TCF25: variants seen among roughly 807,000 people sequenced by gnomAD.
TCF25 encodes ribosome quality control complex subunit TCF25.
A neutral mutation model predicts 83.1 loss-of-function variants in TCF25; 41 were observed. The observed-to-expected ratio is 0.49, with a 90% confidence interval of 0.38 to 0.64. TCF25 has a LOEUF of 0.64. Ranked by LOEUF, TCF25 falls within the 30% of genes least tolerant of loss-of-function variation. The pLI is 0.00. For synonymous variants in TCF25, 458 were observed against 365.0 expected, an observed-to-expected ratio of 1.25 and a Z score of -2.90; for missense variants, 979 against 914.5, an observed-to-expected ratio of 1.07 and a Z score of -0.91.
At chr16:89,900,840 A>G in intron 12 of TCF25, 46 bp downstream of exon 12, 1 of 1,482,876 alleles carries the variant, frequency 6.7e-7, no homozygotes, top group African/African-American at 1.4e-5. Flanking sequence ...GTGTCCTGTC[A>G]GCCGTGGGGG....
chr16:89,909,857 A>C (rs1056538240), intron 16 of TCF25: 1 of 152,452 alleles, frequency 6.6e-6, no homozygotes, highest in Non-Finnish European at 1.5e-5. Flanking sequence ...ACATTGAGAG[A>C]ACAAAAGCCC....
At chr16:89,896,395 A>C (rs1369315887) in intron 9 of TCF25, among the ~76,000 whole-genome samples, 1 of 152,018 alleles carries the variant, frequency 6.6e-6, no homozygotes, top group African/African-American at 2.4e-5. Flanking sequence ...AAATAAAAAT[A>C]AAAATAAATG....
At chr16:89,910,688 TG>T in intron 17 of TCF25, 25 bp downstream of exon 17, 1 of 1,611,726 alleles carries the variant, frequency 6.2e-7, no homozygotes. Flanking sequence ...TCCCAGCCCC[TG>T]CCTCCCCAGT....
intron 12 of TCF25, among the ~76,000 whole-genome samples, chr16:89,903,073 C>G (rs546983404): frequency 6.6e-6 from 1 of 152,366 alleles, no homozygotes; most frequent in African/African-American, 2.4e-5. Context: ...CTGCATGCAG[C>G]TGGCCATATG....
At chr16:89,894,037 CT>C in intron 7 of TCF25, 179 bp downstream of exon 7, 1 of 889,978 alleles carries the variant, frequency 1.1e-6, no homozygotes, top group South Asian at 1.8e-5. Context: ...TGTTCGGAGG[CT>C]CTAGGCCAAG....
At chr16:89,879,359 C>T (rs995870827) in intron 1 of TCF25, among the ~76,000 whole-genome samples, 7 of 150,234 alleles carry the variant, frequency 4.7e-5, no homozygotes, top group African/African-American at 1.2e-4. Context: ...GCCTGTCACA[C>T]GTGCTGTCCG....
chr16:89,881,605 A>C (rs1431335042), intron 1 of TCF25, among the ~76,000 whole-genome samples: 1 of 151,968 alleles, frequency 6.6e-6, no homozygotes, highest in African/African-American at 2.4e-5. Flanking sequence ...GGTGTGTGCC[A>C]CCACACCCTG....
chr16:89,907,653 C>T (rs1462971868), intron 16 of TCF25, among the ~76,000 whole-genome samples: 10 of 128,874 alleles, frequency 7.8e-5, no homozygotes, highest in Non-Finnish European at 8.1e-5. Context: ...TCCCACCTCC[C>T]AGCTCCCAGC....
rs747714204 is a variant in TCF25 at position 89,893,740 on chromosome 16, G to A, written c.710G>A (p.Arg237Gln). ...PRYSKPGLSMRLLESKKGLSF... is the reference protein window; with the variant it reads ...PRYSKPGLSMQLLESKKGLSF... ...TCTCCCCTCCCAGGTCTGTCCATGC[G>A]GCTGCTGGAATCAAAAAAAGGCCTC... The change falls in exon 7 of 18, where the codon CGG (arginine) becomes CAG (glutamine). Residue 237 changes from arginine to glutamine, a missense_variant. Arg to Gln is a conservative substitution (Grantham distance 43). Transcript: ENST00000263346. 46 of 1,613,706 alleles carry A rather than the reference G, an allele frequency of 2.9e-5. No individual in the cohort carries two copies. In the South Asian group the frequency reaches 3.5e-4, roughly 12 times the overall value.
chr16:89,877,268 A>G (rs528849527), intron 1 of TCF25, among the ~76,000 whole-genome samples: 14 of 152,136 alleles, frequency 9.2e-5, no homozygotes, highest in East Asian at 7.7e-4. Flanking sequence ...CAATGTCACA[A>G]TTATAACTCA....
rs750565353 is a variant in TCF25, at chr16:89,910,573, T to C, written c.1800-18T>C. ...CTCAGTTCAGTGTCGTTTCTGACTTTTCTTGACTTTCTTTCAGGCTAAGTC... is the reference window on the plus strand; with the variant it reads ...CTCAGTTCAGTGTCGTTTCTGACTTCTCTTGACTTTCTTTCAGGCTAAGTC... On this transcript the variant is annotated intron_variant, in intron 16 of 17. Transcript: ENST00000263346. The C allele has an allele frequency of 1.1e-5, 18 of 1,613,428 alleles. No individual in the cohort carries two copies. The highest frequency in any genetic ancestry group is 1.7e-5 in the Admixed American group (1 of 60,030).
chr16:89,878,330 A>G, intron 1 of TCF25: 3 of 780,090 alleles, frequency 3.8e-6, no homozygotes, highest in Non-Finnish European at 4.9e-6. Flanking sequence ...TCATGCCGGT[A>G]ATCCCAGCAC....
chr16:89,896,548 C>CTTTTT (rs1567720820), intron 9 of TCF25, among the ~76,000 whole-genome samples: 2 of 140,710 alleles, frequency 1.4e-5, no homozygotes, highest in African/African-American at 5.5e-5. Context: ...CTCAAAACAG[C>CTTTTT]ATTTTTTTTT....
At chr16:89,902,597 G>C (rs571950230) in intron 12 of TCF25, among the ~76,000 whole-genome samples, 1 of 147,676 alleles carries the variant, frequency 6.8e-6, no homozygotes, top group African/African-American at 2.4e-5. Flanking sequence ...GCTGAGGCAG[G>C]AGAATGGCAT....
intron 11 of TCF25, among the ~76,000 whole-genome samples, chr16:89,900,197 C>CTG (rs142778558): frequency 0.18 from 27,142 of 152,126 alleles, 3,371 homozygotes; most frequent in African/African-American, 0.34. Context: ...GCAAGAGAAA[C>CTG]TGGCACGGTG....
At chr16:89,894,376 G>A (rs989708081) in intron 7 of TCF25, among the ~76,000 whole-genome samples, 5 of 148,864 alleles carry the variant, frequency 3.4e-5, no homozygotes, top group South Asian at 2.1e-4. Context: ...CGGCCCCCGC[G>A]CAGCCCCAGA....
chr16:89,909,474 G>A lies in TCF25; in HGVS notation c.1800-1117G>A, dbSNP rs564051827. On this transcript the variant is annotated intron_variant, in intron 16 of 17. Coordinates refer to ENST00000263346, the MANE Select transcript of TCF25 (RefSeq NM_014972.3). ...TGCAGTGAGTGGAGATCGTGCCACTGCACTCCATCCTGGCGACAGAGGAAG... is the reference window on the plus strand; with the variant it reads ...TGCAGTGAGTGGAGATCGTGCCACTACACTCCATCCTGGCGACAGAGGAAG... The A allele has an allele frequency of 1.0e-4, 15 of 150,558 alleles. No homozygotes were observed. In the South Asian group the frequency reaches 2.7e-3, roughly 27 times the overall value. 9.3% of individuals were successfully genotyped at this position (150,558 alleles called of 1,614,324 possible).
intron 1 of TCF25, among the ~76,000 whole-genome samples, chr16:89,875,241 G>A (rs1479912341): frequency 2.6e-5 from 4 of 152,148 alleles, no homozygotes; most frequent in Non-Finnish European, 5.9e-5. Flanking sequence ...CACTTCTTTG[G>A]TAGTGAAATG....
At chr16:89,897,099 G>A (rs2043922435) in intron 9 of TCF25, among the ~76,000 whole-genome samples, 2 of 152,096 alleles carry the variant, frequency 1.3e-5, no homozygotes, top group African/African-American at 4.8e-5. Flanking sequence ...CTCTGCAATT[G>A]CATTTCCTTC....
Sources: allele counts gnomAD v4.1 joint callset (sites outside exome capture counted in the v4.1 genomes callset), GRCh38; gene constraint gnomAD v4.1.1; transcripts MANE v1.5; gene names NCBI Gene and HGNC (gene_info 2026-07-23, HGNC 2026-07-21).